The following ARHGAP10 variants were observed in gnomAD, a reference collection of about 807,000 sequenced individuals.
ARHGAP10 encodes rho GTPase-activating protein 10.
In ARHGAP10, 87 loss-of-function variants were observed where a neutral mutation model predicts 108.6. That is an observed-to-expected ratio of 0.80 (90% CI 0.67 to 0.96). ARHGAP10 has a LOEUF of 0.96. ARHGAP10 is among the 40% of genes least tolerant of loss of function. The probability of loss-of-function intolerance (pLI) is 0.00; values close to 1 mark genes in which losing one functional copy is unlikely to be tolerated. For missense variants in ARHGAP10, 939 were observed against 954.5 expected (o/e 0.98, Z 0.21); for synonymous variants, 347 against 341.1 (o/e 1.02, Z -0.19).
chr4:147,991,703 A>G (rs1423244933), intron 18 of ARHGAP10, among the ~76,000 whole-genome samples: 1 of 152,218 alleles, frequency 6.6e-6, no homozygotes, highest in African/African-American at 2.4e-5. Context: ...ATCAGTTTAT[A>G]GAACTGTGTA....
chr4:147,868,764 A>G (rs1039384601), intron 7 of ARHGAP10, among the ~76,000 whole-genome samples: 1 of 152,184 alleles, frequency 6.6e-6, no homozygotes, highest in Non-Finnish European at 1.5e-5. Flanking sequence ...GGACTGCACA[A>G]TCTAGATCCA....
At chr4:148,060,235 G>A (rs945482440) in intron 20 of ARHGAP10, among the ~76,000 whole-genome samples, 1 of 151,754 alleles carries the variant, frequency 6.6e-6, no homozygotes, top group African/African-American at 2.4e-5. Flanking sequence ...TTGAGAAAAT[G>A]TAGGTATTAC....
chr4:147,736,063 T>C (rs1408450550), intron 1 of ARHGAP10, among the ~76,000 whole-genome samples: 1 of 152,118 alleles, frequency 6.6e-6, no homozygotes, highest in Non-Finnish European at 1.5e-5. Flanking sequence ...GTCCTTACAG[T>C]TATTAAGCAC....
Position 148,043,037 on chromosome 4 carries a change from G to A in ARHGAP10, c.1868-3855G>A, listed in dbSNP as rs537027529. Among the ~76,000 whole-genome samples the A allele has an allele frequency of 1.5e-3, 234 of 152,262 alleles. 1 individual carries two copies. Among genetic ancestry groups the A allele is most frequent in the African/African-American group, 5.4e-3 (225 of 41,540 alleles). ...GTTCTCTAAGGCTTCCCAAGACCAA[G>A]ACGTGGTCTGCACCCTGACAAAATG... On this transcript the variant is annotated intron_variant, in intron 19 of 22. Transcript: ENST00000336498.
At chr4:147,972,975 G>A (rs546755585) in intron 18 of ARHGAP10, among the ~76,000 whole-genome samples, 62 of 151,930 alleles carry the variant, frequency 4.1e-4, no homozygotes, top group Non-Finnish European at 6.5e-4. Flanking sequence ...GGCTGGTTTC[G>A]AACTCCTGAT....
rs182394011 is a variant in ARHGAP10, at chr4:147,946,415, T to C, written c.1304-202T>C. ...TCTTATTTTTTGCTTTGATCTCTAC[T>C]ACAGATTTTACGAAGTGCCAGAAGT... On this transcript the variant is annotated intron_variant, in intron 14 of 22. Transcript: ENST00000336498. 2.9e-5 allele frequency: 14 copies of C among 485,126 alleles called. No homozygotes were observed. The East Asian group carries it at 3.6e-4, about 12-fold the overall frequency. 30.1% of individuals were successfully genotyped at this position (485,126 alleles called of 1,614,324 possible). A position where few individuals can be genotyped will look rare whatever the true frequency, so the allele number is the denominator to read the frequency against.
intron 18 of ARHGAP10, among the ~76,000 whole-genome samples, chr4:148,002,619 G>A (rs1408356806): frequency 4.1e-4 from 62 of 151,982 alleles, no homozygotes; most frequent in Non-Finnish European, 5.3e-4. Flanking sequence ...CGGGGATTCA[G>A]CTTCTTCCTG....
chr4:148,062,969 G>C (rs1040359113), intron 20 of ARHGAP10, among the ~76,000 whole-genome samples, 179 bp from the exon 21 acceptor site: 2 of 152,144 alleles, frequency 1.3e-5, no homozygotes, highest in Non-Finnish European at 2.9e-5. Flanking sequence ...CTGGTTTCTG[G>C]GTTGTTGGTA....
At chr4:148,060,181 A>G (rs1331144987) in intron 20 of ARHGAP10, among the ~76,000 whole-genome samples, 1 of 152,160 alleles carries the variant, frequency 6.6e-6, no homozygotes, top group East Asian at 1.9e-4. Context: ...GAAAGAGAAT[A>G]TCAGAAATTC....
intron 1 of ARHGAP10, among the ~76,000 whole-genome samples, chr4:147,773,645 G>A (rs865916982): frequency 6.6e-6 from 1 of 152,172 alleles, no homozygotes; most frequent in African/African-American, 2.4e-5. Flanking sequence ...ACAGTTATCT[G>A]TTTTTCGTGG....
intron 1 of ARHGAP10, among the ~76,000 whole-genome samples, chr4:147,735,806 CT>C (rs1196991533): frequency 1.3e-5 from 2 of 152,074 alleles, no homozygotes; most frequent in African/African-American, 4.8e-5. Flanking sequence ...GTTCAAATGG[CT>C]TTTTTAGTTT....
Position 148,019,924 on chromosome 4 carries a change from G to GA in ARHGAP10, c.1717-3339_1717-3338insA, listed in dbSNP as rs1321072124. ...TTAGCTTTCTGAAATGCTAATACAG[G>GA]TTGAGTATCCCTTAATGGAAATGCT... On this transcript the variant is annotated intron_variant, in intron 18 of 22. Coordinates refer to ENST00000336498, the MANE Select transcript of ARHGAP10 (RefSeq NM_024605.4). 6.6e-5 allele frequency among the ~76,000 whole-genome samples: 10 copies of GA among 152,176 alleles called. No homozygotes were observed. The East Asian group carries it at 1.3e-3, about 21-fold the overall frequency.
At chr4:148,029,205 A>G (rs1281370180) in intron 19 of ARHGAP10, among the ~76,000 whole-genome samples, 2 of 152,210 alleles carry the variant, frequency 1.3e-5, no homozygotes, top group Non-Finnish European at 1.5e-5. Flanking sequence ...TCCTATAACT[A>G]TGAGCAAAGT....
chr4:147,928,059 T>C (rs1049880320), intron 13 of ARHGAP10, among the ~76,000 whole-genome samples: 2 of 152,180 alleles, frequency 1.3e-5, no homozygotes, highest in Non-Finnish European at 2.9e-5. Context: ...GCCTAGAAAC[T>C]GAAAACGAGG....
At chr4:147,893,476 T>C (rs1321502195) in intron 10 of ARHGAP10, among the ~76,000 whole-genome samples, 1 of 147,694 alleles carries the variant, frequency 6.8e-6, no homozygotes, top group South Asian at 2.1e-4. Flanking sequence ...TACTATTCTA[T>C]ATATATAGAA....
chr4:147,960,456 G>A (rs1285711210), intron 16 of ARHGAP10, among the ~76,000 whole-genome samples: 1 of 152,032 alleles, frequency 6.6e-6, no homozygotes, highest in Non-Finnish European at 1.5e-5. Context: ...TCGATGGTAA[G>A]GTGTTCCATT....
intron 12 of ARHGAP10, among the ~76,000 whole-genome samples, chr4:147,911,546 T>G (rs1332715725): frequency 6.6e-6 from 1 of 152,170 alleles, no homozygotes. Context: ...GTATTTTTAG[T>G]AGAGACGGGG....
At chr4:148,000,416 T>C (rs1456699876) in intron 18 of ARHGAP10, among the ~76,000 whole-genome samples, 1 of 152,204 alleles carries the variant, frequency 6.6e-6, no homozygotes, top group African/African-American at 2.4e-5. Context: ...AGCAGCATGA[T>C]TTATAATCCT....
At chr4:147,838,247 A>C (rs1486163997) in intron 3 of ARHGAP10, among the ~76,000 whole-genome samples, 1 of 152,104 alleles carries the variant, frequency 6.6e-6, no homozygotes, top group Non-Finnish European at 1.5e-5. Context: ...TGATGCTTTC[A>C]CTGGAAATTT....
Sources: allele counts gnomAD v4.1 joint callset (sites outside exome capture counted in the v4.1 genomes callset), GRCh38; gene constraint gnomAD v4.1.1; transcripts MANE v1.5; gene names NCBI Gene and HGNC (gene_info 2026-07-23, HGNC 2026-07-21).